UBE2W: variants seen among roughly 807,000 people sequenced by gnomAD.
UBE2W encodes the protein ubiquitin-conjugating enzyme E2 W.
A neutral mutation model predicts 27.2 loss-of-function variants in UBE2W; 18 were observed. The observed-to-expected ratio is 0.66, with a 90% CI of 0.46 to 0.98. The LOEUF is 0.98. Among genes scored for constraint, UBE2W ranks in the 50% least tolerant of loss-of-function variants. The probability of loss-of-function intolerance (pLI) is 0.00; values close to 1 mark genes in which losing one functional copy is unlikely to be tolerated. For missense variants in UBE2W, 90 were observed against 180.2 expected, an observed-to-expected ratio of 0.50 and a Z score of 2.87; for synonymous variants, 53 against 57.2, an observed-to-expected ratio of 0.93 and a Z score of 0.33.
At chr8:73,838,565 C>T (rs1031084092) in intron 1 of UBE2W, among the ~76,000 whole-genome samples, 1 of 152,140 alleles carries the variant, frequency 6.6e-6, no homozygotes, top group African/African-American at 2.4e-5. Context: ...CAAAGTGAGA[C>T]CACGTCTCTA....
intron 4 of UBE2W, among the ~76,000 whole-genome samples, chr8:73,809,714 G>A (rs1054098744): frequency 5.9e-5 from 9 of 151,810 alleles, no homozygotes; most frequent in Non-Finnish European, 1.3e-4. Flanking sequence ...TGAGTAGCTG[G>A]GATTACAGGC....
chr8:73,807,405 CAGTT>C (rs1452834311), intron 4 of UBE2W, among the ~76,000 whole-genome samples: 5 of 152,188 alleles, frequency 3.3e-5, no homozygotes, highest in Admixed American at 6.5e-5. Context: ...GGAAGGAAAA[CAGTT>C]AGTCCATTTG....
intron 1 of UBE2W, among the ~76,000 whole-genome samples, chr8:73,851,943 GTC>G (rs201545050): frequency 1.5e-5 from 2 of 131,274 alleles, no homozygotes; most frequent in African/African-American, 6.4e-5. Context: ...GTAAGACCCA[GTC>G]TCTCTTTTTT....
At chr8:73,840,594 AAGAGAT>A (rs1444688611) in intron 1 of UBE2W, among the ~76,000 whole-genome samples, 1 of 152,240 alleles carries the variant, frequency 6.6e-6, no homozygotes, top group African/African-American at 2.4e-5. Flanking sequence ...CCAGTGAGGG[AAGAGAT>A]AGTCAATAAA....
In UBE2W at chr8:73,790,690, G is replaced by A. The variant is rs1253928717; in HGVS notation, c.*3412C>T. 1 of 980,090 alleles carries A rather than the reference G, an allele frequency of 1.0e-6. No individual in the cohort carries two copies. Among genetic ancestry groups the A allele is most frequent in the Non-Finnish European group, 1.2e-6 (1 of 825,142 alleles). 60.7% of individuals were successfully genotyped at this position (980,090 alleles called of 1,614,324 possible). ...TCTTCTCTTCTATTTTTAGGAAGAA[G>A]TTATAACAAGTTTTAAATATCTCAA... On this transcript the variant is annotated 3_prime_UTR_variant, in exon 6 of 6. Transcript: ENST00000602593.
At chr8:73,856,975 G>A (rs989775500) in intron 1 of UBE2W, among the ~76,000 whole-genome samples, 4 of 152,206 alleles carry the variant, frequency 2.6e-5, no homozygotes, top group African/African-American at 9.6e-5. Context: ...CCAAAGTGCT[G>A]AGATTATAGA....
chr8:73,792,688 T>C lies in UBE2W; in HGVS notation c.*1414A>G. 1.0e-6 allele frequency: 1 copy of C among 985,328 alleles called. No individual in the cohort carries two copies. Among genetic ancestry groups the C allele is most frequent in the South Asian group, 4.7e-5 (1 of 21,276 alleles). 61.0% of individuals were successfully genotyped at this position (985,328 alleles called of 1,614,324 possible). On this transcript the variant is annotated 3_prime_UTR_variant, in exon 6 of 6. Coordinates refer to ENST00000602593, the MANE Select transcript of UBE2W (RefSeq NM_018299.6). ...CATTGTAGTAGAAACAGATTTTGCA[T>C]ATGTGAAAAGGTAATTTATAAAATA...
intron 1 of UBE2W, among the ~76,000 whole-genome samples, chr8:73,836,533 T>TA (rs1313658820): frequency 2.0e-5 from 3 of 152,206 alleles, no homozygotes; most frequent in African/African-American, 7.2e-5. Context: ...GTCGTGATTC[T>TA]AAAAAACTAG....
intron 4 of UBE2W, among the ~76,000 whole-genome samples, chr8:73,806,541 CA>C (rs58380487): frequency 0.11 from 7,268 of 68,492 alleles, 579 homozygotes; most frequent in African/African-American, 0.24. Context: ...GCTAAAAATA[CA>C]AAAAAAAAAA....
At position 73,787,094 on chromosome 8, in the gene UBE2W, G is replaced by T. The variant is rs1403645654; in HGVS notation, c.*7008C>A. ...TTTCCATAATCCACTTAACTGTAAA[G>T]GGCGTAGGGATTCCCACTTATGTAT... On this transcript the variant is annotated 3_prime_UTR_variant, in exon 6 of 6. Transcript: ENST00000602593. 2.1e-5 allele frequency: 21 copies of T among 985,278 alleles called. No individual in the cohort carries two copies. The highest frequency in any genetic ancestry group is 2.4e-5 in the Non-Finnish European group (20 of 829,936). The allele number at this position is 985,278 out of a possible 1,614,324, so 61.0% of individuals were successfully genotyped here. A position where few individuals can be genotyped will look rare whatever the true frequency, so the allele number is the denominator to read the frequency against.
intron 1 of UBE2W, among the ~76,000 whole-genome samples, chr8:73,834,510 T>C (rs1166429203): frequency 1.3e-5 from 2 of 152,202 alleles, no homozygotes; most frequent in African/African-American, 2.4e-5. Flanking sequence ...AGCACAGTGA[T>C]GCATGCCTGT....
At chr8:73,846,315 G>C (rs1419242518) in intron 1 of UBE2W, among the ~76,000 whole-genome samples, 1 of 152,138 alleles carries the variant, frequency 6.6e-6, no homozygotes, top group African/African-American at 2.4e-5. Context: ...AGAATTGCTT[G>C]AACCTGGGAG....
At chr8:73,840,333 A>G (rs1448202469) in intron 1 of UBE2W, among the ~76,000 whole-genome samples, 2 of 152,204 alleles carry the variant, frequency 1.3e-5, no homozygotes, top group Non-Finnish European at 2.9e-5. Context: ...TGGGATTACA[A>G]GCATGAGACA....
chr8:73,847,985 T>C (rs564072890), intron 1 of UBE2W, among the ~76,000 whole-genome samples: 1 of 151,974 alleles, frequency 6.6e-6, no homozygotes, highest in South Asian at 2.1e-4. Context: ...GTGGATCACC[T>C]GAGGTCGGGA....
chr8:73,817,201 G>A (rs1218070350), intron 3 of UBE2W, among the ~76,000 whole-genome samples: 7 of 151,772 alleles, frequency 4.6e-5, no homozygotes, highest in Non-Finnish European at 7.4e-5. Context: ...GGTGGTGCAC[G>A]CTTGTAATCC....
At chr8:73,816,861 T>A (rs1176432283) in intron 3 of UBE2W, among the ~76,000 whole-genome samples, 1 of 148,864 alleles carries the variant, frequency 6.7e-6, no homozygotes, top group Non-Finnish European at 1.5e-5. Context: ...TGGCAAAACC[T>A]TGTCTCTAAC....
intron 4 of UBE2W, 26 bp from the exon 5 acceptor site, chr8:73,805,752 G>T: frequency 7.2e-7 from 1 of 1,387,682 alleles, no homozygotes. Flanking sequence ...ATTTAAATAG[G>T]TTGAAAAACA....
In UBE2W at chr8:73,789,401, A is replaced by C; in HGVS notation, c.*4701T>G. ...TAGACTCAGCTACCCGGGAGGCAGG[A>C]GGATTGCTTGAGCCAAGGTGGTCAA... On this transcript the variant is annotated 3_prime_UTR_variant, in exon 6 of 6. Transcript: ENST00000602593. The C allele has an allele frequency of 6.4e-6, 1 of 156,110 alleles. No homozygotes were observed. Among genetic ancestry groups the C allele is most frequent in the Non-Finnish European group, 1.3e-5 (1 of 76,034 alleles). The allele number at this position is 156,110 out of a possible 1,614,324, so 9.7% of individuals were successfully genotyped here. A position where few individuals can be genotyped will look rare whatever the true frequency, so the allele number is the denominator to read the frequency against.
intron 5 of UBE2W, among the ~76,000 whole-genome samples, chr8:73,799,256 C>T (rs1808541833): frequency 1.3e-5 from 2 of 151,784 alleles, no homozygotes; most frequent in South Asian, 2.1e-4. Context: ...GAAATAAATA[C>T]AAGCTATGAT....
Sources: allele counts gnomAD v4.1 joint callset (sites outside exome capture counted in the v4.1 genomes callset), GRCh38; gene constraint gnomAD v4.1.1; transcripts MANE v1.5; gene names NCBI Gene and HGNC (gene_info 2026-07-23, HGNC 2026-07-21).